The following SASH1 variants were observed in gnomAD, a reference collection of about 807,000 sequenced individuals.
SASH1 encodes SAM and SH3 domain containing 1, also known as SAM and SH3 domain-containing protein 1.
A neutral mutation model predicts 125.2 loss-of-function variants in SASH1; 44 were observed. The observed-to-expected ratio is 0.35, with a 90% CI of 0.28 to 0.45. The LOEUF (loss-of-function observed/expected upper bound fraction) is 0.45. SASH1 is among the 20% of genes least tolerant of loss of function. The pLI is 1.00. For missense variants in SASH1, 1,426 were observed against 1,614.5 expected (o/e 0.88, Z 2.00); for synonymous variants, 639 against 649.1 (o/e 0.98, Z 0.24).
the SASH1 span, among the ~76,000 whole-genome samples, chr6:148,212,311 G>C: frequency 1.3e-5 from 2 of 152,198 alleles, no homozygotes; most frequent in Admixed American, 6.5e-5. Flanking sequence ...TACAGCCATG[G>C]GGCAGCACTG....
chr6:148,324,511 C>T (rs72563836), intron 1 of SASH1, among the ~76,000 whole-genome samples: 12,406 of 152,192 alleles, frequency 0.082, 720 homozygotes, highest in East Asian at 0.31. Context: ...CAATGAATCA[C>T]CCAGTCCTTC....
intron 1 of SASH1, among the ~76,000 whole-genome samples, chr6:148,367,331 T>C (rs573480676): frequency 8.5e-5 from 13 of 152,384 alleles, no homozygotes; most frequent in African/African-American, 2.9e-4. Context: ...TCAGTCCTTT[T>C]AGCAATCCTC....
chr6:148,246,880 A>G, the SASH1 span, among the ~76,000 whole-genome samples: 2 of 152,228 alleles, frequency 1.3e-5, no homozygotes, highest in African/African-American at 4.8e-5. Flanking sequence ...TTACTGATTC[A>G]TCAAATATTT....
the SASH1 span, among the ~76,000 whole-genome samples, chr6:148,250,852 G>T: frequency 6.6e-6 from 1 of 152,064 alleles, no homozygotes; most frequent in East Asian, 1.9e-4. Context: ...ATGGATAAAA[G>T]CTAAAATTTT....
At chr6:148,244,286 G>A in the SASH1 span, among the ~76,000 whole-genome samples, 1 of 152,050 alleles carries the variant, frequency 6.6e-6, no homozygotes, top group South Asian at 2.1e-4. Flanking sequence ...ACTAGGTTTT[G>A]GTATCCTGTC....
intron 8 of SASH1, among the ~76,000 whole-genome samples, chr6:148,492,834 A>AG (rs1779163259): frequency 3.6e-5 from 3 of 83,600 alleles, no homozygotes; most frequent in African/African-American, 9.2e-5. Flanking sequence ...AAATATAAAT[A>AG]AATAAATAAA....
intron 2 of SASH1, among the ~76,000 whole-genome samples, chr6:148,430,976 A>C (rs1776037258): frequency 6.6e-6 from 1 of 152,214 alleles, no homozygotes; most frequent in African/African-American, 2.4e-5. Context: ...CAAACCAAAC[A>C]AAACAGGTTC....
rs193295879 is a variant in SASH1 at position 148,512,711 on chromosome 6, T to G, written c.730-1613T>G. 385 of 985,444 alleles carry G rather than the reference T, an allele frequency of 3.9e-4. No homozygotes were observed. The Middle Eastern group carries it at 4.2e-3, about 11-fold the overall frequency. The allele number at this position is 985,444 out of a possible 1,614,324, so 61.0% of individuals were successfully genotyped here. ...CCGTTACCTGGGAGTCCAGTTCCCATTCTTTATTACTAGGTAACCAGTACT... is the reference window on the plus strand; with the variant it reads ...CCGTTACCTGGGAGTCCAGTTCCCAGTCTTTATTACTAGGTAACCAGTACT... On this transcript the variant is annotated intron_variant, in intron 8 of 19. Transcript: ENST00000367467.
At chr6:148,456,449 C>A (rs1464263058) in intron 4 of SASH1, among the ~76,000 whole-genome samples, 4 of 152,210 alleles carry the variant, frequency 2.6e-5, no homozygotes, top group Non-Finnish European at 5.9e-5. Flanking sequence ...AGCCACATTT[C>A]CCCATAGAAA....
intron 2 of SASH1, among the ~76,000 whole-genome samples, chr6:148,425,112 T>C (rs182687861): frequency 1.3e-5 from 2 of 152,078 alleles, no homozygotes; most frequent in African/African-American, 2.4e-5. Flanking sequence ...ATGGAAGAGA[T>C]GAATTGAAGC....
At chr6:148,317,716 C>A (rs759264111) in intron 1 of SASH1, among the ~76,000 whole-genome samples, 1 of 152,292 alleles carries the variant, frequency 6.6e-6, no homozygotes, top group African/African-American at 2.4e-5. Flanking sequence ...TGAGCCACGG[C>A]GCCCGGCCAA....
In SASH1 at chr6:148,551,205, T is replaced by G. The variant is rs879694825; in HGVS notation, c.*2647T>G. On this transcript the variant is annotated 3_prime_UTR_variant, in exon 20 of 20. Coordinates refer to ENST00000367467, the MANE Select transcript of SASH1 (RefSeq NM_015278.5). ...GTCTGAGAAAAGCTGAATGTTTGGG[T>G]GTGACGTTTGACTGAGGTGGATTGG... 4.6e-5 allele frequency: 7 copies of G among 152,508 alleles called. No homozygotes were observed. Among genetic ancestry groups the G allele is most frequent in the Non-Finnish European group, 8.8e-5 (6 of 68,014 alleles). 9.4% of individuals were successfully genotyped at this position (152,508 alleles called of 1,614,324 possible).
the SASH1 span, among the ~76,000 whole-genome samples, chr6:148,247,238 C>T: frequency 6.6e-6 from 1 of 152,176 alleles, no homozygotes; most frequent in African/African-American, 2.4e-5. Context: ...AGAAATAGAA[C>T]TGCCCAAGAA....
intron 1 of SASH1, among the ~76,000 whole-genome samples, chr6:148,317,654 T>C (rs1321422403): frequency 6.6e-6 from 1 of 152,162 alleles, no homozygotes; most frequent in Admixed American, 6.5e-5. Context: ...CTCAATCTCC[T>C]GACCTTGTGA....
rs117809917 is a variant in SASH1, at chr6:148,516,814, C to T, written c.862+2358C>T. ...CAGCACGATGTCCAGGCAGCCTGCT[C>T]CCTGACAGCAGCCTGTTCTCACTCC... On this transcript the variant is annotated intron_variant, in intron 9 of 19. Transcript: ENST00000367467. Among the ~76,000 whole-genome samples, 1,138 of 152,234 alleles carry T rather than the reference C, an allele frequency of 7.5e-3. 8 individuals carry two copies. Among genetic ancestry groups the T allele is most frequent in the Middle Eastern group, 0.027 (8 of 294 alleles).
rs57183555 is a variant in SASH1 at position 148,356,494 on chromosome 6, C to CTTTTTTTTTT, written c.156+13282_156+13291dup. On this transcript the variant is annotated intron_variant, in intron 1 of 19. Coordinates refer to ENST00000367467, the MANE Select transcript of SASH1 (RefSeq NM_015278.5). ...TCAAATGGTAGATCTACTTTTAGTTCTTTTTTTTTTTTTTTTTTTTGAGAC... is the reference window on the plus strand; with the variant it reads ...TCAAATGGTAGATCTACTTTTAGTTCTTTTTTTTTTTTTTTTTTTTTTTTTTTTTTGAGAC... Among the ~76,000 whole-genome samples, 718 of 116,000 alleles carry CTTTTTTTTTT rather than the reference C, an allele frequency of 6.2e-3. 32 individuals are homozygous for CTTTTTTTTTT. Among genetic ancestry groups the CTTTTTTTTTT allele is most frequent in the African/African-American group, 0.01 (311 of 29,868 alleles). 76.1% of individuals were successfully genotyped at this position (116,000 alleles called of 152,430 possible). A position where few individuals can be genotyped will look rare whatever the true frequency, so the allele number is the denominator to read the frequency against.
chr6:148,524,121 A>ATATATATATATATATATATATATATTT (rs1193506716), intron 10 of SASH1, among the ~76,000 whole-genome samples: 1 of 128,608 alleles, frequency 7.8e-6, no homozygotes, highest in Non-Finnish European at 1.6e-5. Context: ...ATATATATAT[A>ATATATATATATATATATATATATATTT]TTTTTTTTAA....
intron 2 of SASH1, among the ~76,000 whole-genome samples, chr6:148,437,932 A>G (rs1338531794): frequency 6.6e-6 from 1 of 152,248 alleles, no homozygotes; most frequent in African/African-American, 2.4e-5. Flanking sequence ...ATGGCAAATG[A>G]TGCACTTAGC....
intron 1 of SASH1, among the ~76,000 whole-genome samples, chr6:148,347,171 T>TA (rs1251144140): frequency 6.6e-6 from 1 of 152,166 alleles, no homozygotes; most frequent in Non-Finnish European, 1.5e-5. Context: ...AGCTTCTGCC[T>TA]ACAGGATTTG....
Sources: allele counts gnomAD v4.1 joint callset (sites outside exome capture counted in the v4.1 genomes callset), GRCh38; gene constraint gnomAD v4.1.1; transcripts MANE v1.5; gene names NCBI Gene and HGNC (gene_info 2026-07-23, HGNC 2026-07-21).